VWA8: variants seen among roughly 807,000 people sequenced by gnomAD.
VWA8 encodes von Willebrand factor A domain containing 8.
In VWA8, 221 loss-of-function variants were observed where a neutral mutation model predicts 241.5. The ratio of observed to expected loss-of-function variants is 0.91; its 90% CI spans 0.82 to 1.02. The LOEUF is 1.02. Ranked by LOEUF, VWA8 falls within the 50% of genes least tolerant of loss-of-function variation. VWA8 has a pLI of 0.00. For missense variants in VWA8, 2,322 were observed against 2,328.7 expected (o/e 1.00, Z 0.06); for synonymous variants, 852 against 827.1 (o/e 1.03, Z -0.52).
intron 20 of VWA8, among the ~76,000 whole-genome samples, chr13:41,770,730 T>A (rs2045814971): frequency 1.3e-5 from 2 of 151,968 alleles, no homozygotes; most frequent in South Asian, 4.2e-4. Flanking sequence ...AGAGAAGGCA[T>A]CCTGTATGAA....
chr13:41,666,296 G>A (rs112340225), intron 37 of VWA8, among the ~76,000 whole-genome samples: 160 of 152,210 alleles, frequency 1.1e-3, no homozygotes, highest in African/African-American at 3.5e-3. Flanking sequence ...ATTGGTTACT[G>A]GGATAACTGC....
At chr13:41,799,044 A>G (rs1869830577) in intron 17 of VWA8, among the ~76,000 whole-genome samples, 1 of 152,198 alleles carries the variant, frequency 6.6e-6, no homozygotes, top group Non-Finnish European at 1.5e-5. Context: ...CCTCTATCAC[A>G]GTCATCCAGT....
chr13:41,774,368 C>T (rs1042159780), intron 20 of VWA8, among the ~76,000 whole-genome samples: 2 of 152,204 alleles, frequency 1.3e-5, no homozygotes, highest in African/African-American at 4.8e-5. Flanking sequence ...GTCTCAAACT[C>T]CTGGCCTCAA....
At chr13:41,883,737 A>T (rs74055146) in intron 8 of VWA8, among the ~76,000 whole-genome samples, 2,661 of 151,844 alleles carry the variant, frequency 0.018, 71 homozygotes, top group African/African-American at 0.061. Context: ...CCACACTTCT[A>T]TGTCTGGTCT....
At chr13:41,617,397 G>A (rs909866035) in intron 37 of VWA8, among the ~76,000 whole-genome samples, 1 of 152,128 alleles carries the variant, frequency 6.6e-6, no homozygotes. Context: ...GGGATTACAG[G>A]CATGAGCCAC....
At chr13:41,887,114 G>A in intron 6 of VWA8, 83 bp downstream of exon 6, 2 of 1,456,658 alleles carry the variant, frequency 1.4e-6, no homozygotes, top group East Asian at 2.4e-5. Context: ...ATTCAAAACT[G>A]CAGTAACATT....
chr13:41,694,217 G>C (rs2137820308), intron 29 of VWA8, among the ~76,000 whole-genome samples: 1 of 152,028 alleles, frequency 6.6e-6, no homozygotes, highest in Non-Finnish European at 1.5e-5. Context: ...TGATTCATCT[G>C]CAAATCTAGC....
In VWA8 at chr13:41,590,671, A is replaced by G; in HGVS notation, c.5081T>C (p.Ile1694Thr). 2 of 1,614,028 alleles carry G rather than the reference A, an allele frequency of 1.2e-6. No individual in the cohort carries two copies. The highest frequency in any genetic ancestry group is 1.1e-5 in the South Asian group (1 of 91,076). Reference sequence around the variant, plus strand: ...CTCCAGCTCACCCCGACGTTTGTAGATGGCTTTTTCTCCAGTCAGCCCATC... The same window carrying G: ...CTCCAGCTCACCCCGACGTTTGTAGGTGGCTTTTTCTCCAGTCAGCCCATC... ...IIDGLTGEKA[I>T]YKRRGELEPQ... The change falls in exon 41 of 45, where the codon ATC becomes ACC. Residue 1694 changes from isoleucine to threonine, a missense_variant. Transcript: ENST00000379310.
intron 37 of VWA8, among the ~76,000 whole-genome samples, chr13:41,663,485 C>A (rs978241301): frequency 6.6e-6 from 1 of 152,108 alleles, no homozygotes; most frequent in African/African-American, 2.4e-5. Context: ...CAGTCTCCCC[C>A]TCAAGCAATT....
chr13:41,570,830 C>CTAAG (rs1352381659), intron 43 of VWA8, 124 bp from the exon 44 acceptor site: 4 of 750,346 alleles, frequency 5.3e-6, no homozygotes, highest in South Asian at 3.8e-5. Flanking sequence ...GTAGTACATT[C>CTAAG]TAAGTTAGTT....
At chr13:41,726,793 G>A (rs112921342) in intron 24 of VWA8, among the ~76,000 whole-genome samples, 95 of 152,138 alleles carry the variant, frequency 6.2e-4, no homozygotes, top group African/African-American at 2.2e-3. Context: ...TCAGGAGTTC[G>A]AGACCAGCCT....
intron 1 of VWA8, among the ~76,000 whole-genome samples, chr13:41,960,016 C>T (rs1365463853): frequency 6.6e-6 from 1 of 152,204 alleles, no homozygotes; most frequent in African/African-American, 2.4e-5. Context: ...GCAGCACTGA[C>T]ATTGACAAAA....
chr13:41,882,424 T>C (rs1276032736), intron 9 of VWA8, among the ~76,000 whole-genome samples: 3 of 152,094 alleles, frequency 2.0e-5, no homozygotes, highest in Non-Finnish European at 2.9e-5. Context: ...GAGGCTGCAA[T>C]CTCGGCACTT....
In VWA8 at chr13:41,833,388, C is replaced by T. The variant is rs772171662; in HGVS notation, c.1569G>A (p.Thr523=). The change falls in exon 13 of 45, where the codon ACG becomes ACA. Residue 523 remains threonine (T), a synonymous_variant. Transcript: ENST00000379310. ...ATACCCACCTTTGCAATACAGCAAG[C>T]GTGCCCGCATTCACCCGGTGAATGC... The part of the protein sequence containing the change: ...LDGIHRVNAG[T]LAVLQRLIHD... 1.1e-5 allele frequency: 18 copies of T among 1,611,586 alleles called. No homozygotes were observed. Among genetic ancestry groups the T allele is most frequent in the Middle Eastern group, 1.6e-4 (1 of 6,066 alleles).
chr13:41,886,376 AAAAC>A (rs915672341), intron 7 of VWA8, among the ~76,000 whole-genome samples: 3 of 152,090 alleles, frequency 2.0e-5, no homozygotes, highest in Non-Finnish European at 4.4e-5. Flanking sequence ...CCATGCTTTT[AAAAC>A]AAACAAACAA....
At chr13:41,898,187 G>A (rs1875222195) in intron 4 of VWA8, among the ~76,000 whole-genome samples, 1 of 151,744 alleles carries the variant, frequency 6.6e-6, no homozygotes, top group African/African-American at 2.4e-5. Flanking sequence ...CCCTGAGCTA[G>A]ACATAAAGGT....
At chr13:41,699,374 T>A in intron 28 of VWA8, 104 bp from the exon 29 acceptor site, 2 of 1,087,898 alleles carry the variant, frequency 1.8e-6, no homozygotes, top group Non-Finnish European at 2.8e-6. Context: ...TGGAACAGAG[T>A]TGGAACTCAG....
chr13:41,872,082 C>T (rs1358155084), intron 9 of VWA8, among the ~76,000 whole-genome samples: 5 of 152,094 alleles, frequency 3.3e-5, no homozygotes, highest in Non-Finnish European at 7.4e-5. Context: ...TTTCATGTGT[C>T]TTTTGGCTGC....
In VWA8 at chr13:41,689,528, GAC is replaced by G. The variant is rs1566416023; in HGVS notation, c.3977-22_3977-21del. On this transcript the variant is annotated intron_variant, in intron 33 of 44. Transcript: ENST00000379310. The stretch of plus-strand genomic sequence containing the variant: ...CTGTTTCTGAAAAGTACAAACATTA[GAC>G]ACCATATGCTCCTGAAATGCTCCAG... 2 of 1,584,980 alleles carry G rather than the reference GAC, an allele frequency of 1.3e-6. No individual in the cohort carries two copies. The highest frequency in any genetic ancestry group is 1.2e-5 in the South Asian group (1 of 85,834).
Sources: gnomAD v4.1 joint callset for allele counts (sites outside exome capture counted in the v4.1 genomes callset) on GRCh38, gnomAD v4.1.1 for gene constraint, MANE v1.5 for transcripts, NCBI Gene and HGNC (gene_info 2026-07-23, HGNC 2026-07-21) for gene names.